The following PLD5 variants were observed in gnomAD, a reference collection of about 807,000 sequenced individuals.
The protein encoded by PLD5 is inactive phospholipase D5.
In PLD5, 36 loss-of-function variants were observed where a neutral mutation model predicts 61.1. The observed-to-expected ratio is 0.59, with a 90% CI of 0.45 to 0.78. The LOEUF (loss-of-function observed/expected upper bound fraction) is 0.78, where lower values mean the gene tolerates loss of function less well. PLD5 is among the 30% of genes least tolerant of loss of function. The probability of loss-of-function intolerance (pLI) is 0.00; values close to 1 mark genes in which losing one functional copy is unlikely to be tolerated. For missense variants in PLD5, 515 were observed against 644.4 expected (o/e 0.80, Z 2.17); for synonymous variants, 243 against 242.8 (o/e 1.00, Z -0.01).
chr1:242,324,321 A>G (rs552521912), intron 2 of PLD5, among the ~76,000 whole-genome samples: 1 of 152,374 alleles, frequency 6.6e-6, no homozygotes, highest in Non-Finnish European at 1.5e-5. Context: ...CAGAATTTCC[A>G]TTAAAAAACG....
intron 4 of PLD5, among the ~76,000 whole-genome samples, chr1:242,238,521 A>G (rs1347847384): frequency 6.6e-6 from 1 of 152,230 alleles, no homozygotes; most frequent in African/African-American, 2.4e-5. Context: ...CATTCAAGAC[A>G]TGCTACTATT....
chr1:242,508,191 C>G (rs1297799956), intron 1 of PLD5, among the ~76,000 whole-genome samples: 1 of 146,640 alleles, frequency 6.8e-6, no homozygotes, highest in East Asian at 2.0e-4. Flanking sequence ...TGGTGAAACC[C>G]TGTCTCCACT....
intron 1 of PLD5, among the ~76,000 whole-genome samples, chr1:242,392,485 T>G (rs1016057956): frequency 6.6e-6 from 1 of 152,204 alleles, no homozygotes; most frequent in Non-Finnish European, 1.5e-5. Context: ...GTGCCGACTG[T>G]GGCTTCTCCT....
intron 2 of PLD5, among the ~76,000 whole-genome samples, chr1:242,332,090 T>C (rs1280165129): frequency 7.9e-5 from 12 of 151,710 alleles, no homozygotes; most frequent in Admixed American, 7.9e-4. Context: ...CCTGTGTCCA[T>C]GTGTTCTCAT....
chr1:242,338,960 A>G (rs1369638257), intron 2 of PLD5, among the ~76,000 whole-genome samples: 7 of 152,224 alleles, frequency 4.6e-5, no homozygotes, highest in Non-Finnish European at 1.5e-5. Context: ...AGTTAGAAAA[A>G]AAGTATAGCA....
chr1:242,328,675 G>A (rs548734766), intron 2 of PLD5, among the ~76,000 whole-genome samples: 2 of 152,280 alleles, frequency 1.3e-5, no homozygotes, highest in Non-Finnish European at 2.9e-5. Flanking sequence ...AGAGATGCTT[G>A]GAAGTATTCT....
chr1:242,463,516 C>G (rs1263636447), intron 1 of PLD5, among the ~76,000 whole-genome samples: 1 of 152,164 alleles, frequency 6.6e-6, no homozygotes, highest in Non-Finnish European at 1.5e-5. Flanking sequence ...CTTGACCTCT[C>G]CCCAAACTTC....
chr1:242,483,973 G>T (rs542313628), intron 1 of PLD5, among the ~76,000 whole-genome samples: 5 of 151,962 alleles, frequency 3.3e-5, no homozygotes, highest in Non-Finnish European at 5.9e-5. Flanking sequence ...GGTACATAAC[G>T]AAATGAAGGC....
intron 5 of PLD5, among the ~76,000 whole-genome samples, chr1:242,133,216 C>T (rs1029168014): frequency 6.6e-6 from 1 of 152,100 alleles, no homozygotes; most frequent in Non-Finnish European, 1.5e-5. Flanking sequence ...ACCAATCAGA[C>T]ATTTGCATAG....
chr1:242,227,490 A>T (rs1389362293), intron 4 of PLD5, among the ~76,000 whole-genome samples: 1 of 152,016 alleles, frequency 6.6e-6, no homozygotes, highest in African/African-American at 2.4e-5. Context: ...TCAGCCTCCC[A>T]AGTAGCTGGG....
chr1:242,457,633 C>T (rs973961586), intron 1 of PLD5, among the ~76,000 whole-genome samples: 1 of 152,116 alleles, frequency 6.6e-6, no homozygotes, highest in African/African-American at 2.4e-5. Flanking sequence ...TGAAAAAGCA[C>T]CACAGCAAGA....
chr1:242,111,966 C>A (rs1661540212), intron 7 of PLD5, among the ~76,000 whole-genome samples: 1 of 152,064 alleles, frequency 6.6e-6, no homozygotes, highest in African/African-American at 2.4e-5. Flanking sequence ...ATCCTCCGTG[C>A]TAATTATTTA....
chr1:242,463,271 G>A (rs1004731289), intron 1 of PLD5, among the ~76,000 whole-genome samples: 20 of 152,196 alleles, frequency 1.3e-4, no homozygotes, highest in Admixed American at 8.5e-4. Flanking sequence ...AGAGACACTC[G>A]CTTGTCCATG....
intron 5 of PLD5, among the ~76,000 whole-genome samples, chr1:242,194,790 C>T (rs1419427768): frequency 6.6e-6 from 1 of 152,052 alleles, no homozygotes; most frequent in African/African-American, 2.4e-5. Flanking sequence ...GAAAACCAAA[C>T]ATCAGGCATT....
intron 1 of PLD5, among the ~76,000 whole-genome samples, chr1:242,354,758 T>A (rs1394512359): frequency 6.6e-6 from 1 of 151,936 alleles, no homozygotes; most frequent in Non-Finnish European, 1.5e-5. Context: ...TAATGTTATC[T>A]GTGAGATTAT....
At chr1:242,377,100 T>C in intron 1 of PLD5, 2 of 1,611,792 alleles carry the variant, frequency 1.2e-6, no homozygotes, top group Non-Finnish European at 1.7e-6. Flanking sequence ...CTGTTGGTTA[T>C]CTTCCCCAGC....
intron 5 of PLD5, among the ~76,000 whole-genome samples, chr1:242,190,401 C>T (rs1317363119): frequency 2.6e-5 from 4 of 151,858 alleles, no homozygotes; most frequent in African/African-American, 9.7e-5. Context: ...CCACCTCGGC[C>T]TCCCAAAGTG....
At chr1:242,370,744 T>G (rs776560646) in intron 1 of PLD5, among the ~76,000 whole-genome samples, 1 of 152,128 alleles carries the variant, frequency 6.6e-6, no homozygotes, top group African/African-American at 2.4e-5. Context: ...CAGCTAAAAA[T>G]TACGCTTTCA....
chr1:242,429,912 T>C (rs1057439577), intron 1 of PLD5, among the ~76,000 whole-genome samples: 4 of 151,152 alleles, frequency 2.6e-5, no homozygotes, highest in African/African-American at 9.7e-5. Context: ...TCAGAATTCA[T>C]TTTTAGGTCA....
Sources: allele counts gnomAD v4.1 joint callset (sites outside exome capture counted in the v4.1 genomes callset), GRCh38; gene constraint gnomAD v4.1.1; transcripts MANE v1.5; gene names NCBI Gene and HGNC (gene_info 2026-07-23, HGNC 2026-07-21).